Variants in MSH3 observed in about 807,000 individuals in gnomAD.
The protein encoded by MSH3 is mutS homolog 3.
A neutral mutation model predicts 123.3 loss-of-function variants in MSH3; 106 were observed. The observed-to-expected ratio is 0.86, with a 90% CI of 0.73 to 1.01. The LOEUF is 1.01. Among genes scored for constraint, MSH3 ranks in the 50% least tolerant of loss-of-function variants. The probability of loss-of-function intolerance (pLI) is 0.00; values close to 1 mark genes in which losing one functional copy is unlikely to be tolerated. For missense variants in MSH3, 1,459 were observed against 1,347.6 expected (o/e 1.08, Z -1.29); for synonymous variants, 515 against 481.4 (o/e 1.07, Z -0.91).
At chr5:80,868,355 A>G (rs1423134212) in intron 22 of MSH3, among the ~76,000 whole-genome samples, 2 of 151,872 alleles carry the variant, frequency 1.3e-5, no homozygotes, top group African/African-American at 2.4e-5. Flanking sequence ...GTAGCAAGAC[A>G]TGGAATCTAC....
At position 80,749,598 on chromosome 5, in the gene MSH3, T is replaced by A. The variant is rs1029500511; in HGVS notation, c.1763+4983T>A. On this transcript the variant is annotated intron_variant, in intron 12 of 23. Coordinates refer to ENST00000265081, the MANE Select transcript of MSH3 (RefSeq NM_002439.5). ...TCCACCCAATCAAGTTGACATTCAG[T>A]ATTAACCATCACAATATTCATGGGG... is the stretch of plus-strand genomic sequence containing the variant. 1.2e-4 allele frequency among the ~76,000 whole-genome samples: 18 copies of A among 152,204 alleles called. 1 individual carries two copies. Among genetic ancestry groups the A allele is most frequent in the Middle Eastern group, 3.2e-3 (1 of 316 alleles).
intron 8 of MSH3, among the ~76,000 whole-genome samples, chr5:80,688,360 T>G (rs1478322393): frequency 1.3e-5 from 2 of 152,282 alleles, no homozygotes; most frequent in Non-Finnish European, 2.9e-5. Context: ...TATGTCTTTT[T>G]GGCCACAGAG....
intron 8 of MSH3, among the ~76,000 whole-genome samples, chr5:80,681,438 G>A (rs1290517379): frequency 6.6e-6 from 1 of 151,580 alleles, no homozygotes; most frequent in East Asian, 1.9e-4. Context: ...CCATTTTCAG[G>A]AATTTATCTT....
chr5:80,744,022 T>C (rs1743668604), intron 11 of MSH3, among the ~76,000 whole-genome samples: 1 of 152,166 alleles, frequency 6.6e-6, no homozygotes, highest in East Asian at 1.9e-4. Context: ...AAGCAAACTT[T>C]TCTAAGGATT....
intron 8 of MSH3, among the ~76,000 whole-genome samples, chr5:80,714,261 G>A (rs903723233): frequency 4.1e-5 from 6 of 145,156 alleles, no homozygotes; most frequent in African/African-American, 1.0e-4. Context: ...TCAGCCTCCC[G>A]AGTAGCTAGG....
At chr5:80,850,301 A>T (rs1028740431) in intron 20 of MSH3, among the ~76,000 whole-genome samples, 2 of 151,740 alleles carry the variant, frequency 1.3e-5, no homozygotes, top group African/African-American at 4.8e-5. Context: ...AACTGTTGCA[A>T]CCTCTGTCTG....
chr5:80,794,799 C>G (rs1414544916), intron 19 of MSH3, among the ~76,000 whole-genome samples: 1 of 152,072 alleles, frequency 6.6e-6, no homozygotes, highest in Non-Finnish European at 1.5e-5. Context: ...CGAGAAATGG[C>G]GATTGGGAAT....
At chr5:80,722,119 T>G (rs1334662643) in intron 8 of MSH3, among the ~76,000 whole-genome samples, 2 of 152,360 alleles carry the variant, frequency 1.3e-5, no homozygotes, top group Non-Finnish European at 2.9e-5. Context: ...AAATAGGTAA[T>G]AAAGTTTCAC....
At chr5:80,691,815 A>G (rs1277477703) in intron 8 of MSH3, among the ~76,000 whole-genome samples, 1 of 147,912 alleles carries the variant, frequency 6.8e-6, no homozygotes, top group Non-Finnish European at 1.5e-5. Flanking sequence ...CTAAATATAT[A>G]TGTATGTTTA....
chr5:80,856,304 G>C (rs1745918083), intron 21 of MSH3, among the ~76,000 whole-genome samples: 1 of 151,410 alleles, frequency 6.6e-6, no homozygotes, highest in Admixed American at 6.6e-5. Context: ...GGAATTTTTT[G>C]TTTTGCTTTA....
intron 20 of MSH3, among the ~76,000 whole-genome samples, chr5:80,819,176 T>C (rs1277096759): frequency 6.6e-6 from 1 of 152,010 alleles, no homozygotes; most frequent in South Asian, 2.1e-4. Flanking sequence ...GGTGGAGTTA[T>C]GCAATAAGAA....
chr5:80,672,632 T>C, intron 5 of MSH3, 109 bp from the exon 6 acceptor site: 1 of 928,968 alleles, frequency 1.1e-6, no homozygotes, highest in Non-Finnish European at 1.8e-6. Flanking sequence ...CTGAACGTTG[T>C]GGACTGATTA....
intron 8 of MSH3, among the ~76,000 whole-genome samples, chr5:80,703,655 G>A (rs1023933022): frequency 6.6e-6 from 1 of 151,990 alleles, no homozygotes; most frequent in Non-Finnish European, 1.5e-5. Flanking sequence ...CTTCCATCTT[G>A]CATATTTCCT....
chr5:80,804,873 G>C (rs1580060002), intron 19 of MSH3, among the ~76,000 whole-genome samples: 1 of 152,188 alleles, frequency 6.6e-6, no homozygotes, highest in East Asian at 1.9e-4. Flanking sequence ...CACCATGCCT[G>C]GCAATAGTGA....
intron 6 of MSH3, 150 bp from the exon 7 acceptor site, chr5:80,674,833 G>C (rs569196026): frequency 1.2e-5 from 8 of 658,824 alleles, no homozygotes; most frequent in East Asian, 5.7e-5. Flanking sequence ...TACCACCTTG[G>C]CCTCCTAAAG....
At chr5:80,753,748 C>T (rs562909953) in intron 12 of MSH3, among the ~76,000 whole-genome samples, 92 of 152,184 alleles carry the variant, frequency 6.0e-4, no homozygotes, top group Admixed American at 2.2e-3. Context: ...GTGAGACTCT[C>T]ATCACATAGG....
At chr5:80,662,207 C>T (rs1478265204) in intron 2 of MSH3, among the ~76,000 whole-genome samples, 1 of 152,202 alleles carries the variant, frequency 6.6e-6, no homozygotes, top group Non-Finnish European at 1.5e-5. Flanking sequence ...ACATGCTATA[C>T]AGGTTTATAA....
intron 19 of MSH3, among the ~76,000 whole-genome samples, chr5:80,812,410 C>A (rs899189048): frequency 6.6e-6 from 1 of 152,070 alleles, no homozygotes; most frequent in Non-Finnish European, 1.5e-5. Flanking sequence ...TTTCTCATAA[C>A]TACTTACTTA....
chr5:80,670,123 G>C lies in MSH3; in HGVS notation c.606G>C (p.Gln202His), dbSNP rs765063397. The change falls in exon 4 of 24, where the codon CAG (glutamine) becomes CAC (histidine). Residue 202 changes from glutamine (Q) to histidine (H), a missense_variant. Coordinates refer to ENST00000265081, the MANE Select transcript of MSH3 (RefSeq NM_002439.5). ...ACACAACACTTTTTGATCTCAGTCA[G>C]TTTGGATCATCAAATACAAGTCATG... ...QKDTTLFDLSQFGSSNTSHEN... is the reference protein window; with the variant it reads ...QKDTTLFDLSHFGSSNTSHEN... 1 of 1,614,080 alleles carries C rather than the reference G, an allele frequency of 6.2e-7. No individual in the cohort carries two copies. The highest frequency in any genetic ancestry group is 8.5e-7 in the Non-Finnish European group (1 of 1,179,994).
Sources: gnomAD v4.1 joint callset for allele counts (sites outside exome capture counted in the v4.1 genomes callset) on GRCh38, gnomAD v4.1.1 for gene constraint, MANE v1.5 for transcripts, NCBI Gene and HGNC (gene_info 2026-07-23, HGNC 2026-07-21) for gene names.